The following CIZ1 variants were observed in gnomAD, a reference collection of about 807,000 sequenced individuals.
CIZ1 encodes cip1-interacting zinc finger protein.
In CIZ1, 58 loss-of-function variants were observed where a neutral mutation model predicts 118.6. The observed-to-expected ratio is 0.49, with a 90% CI of 0.40 to 0.61. The LOEUF is 0.61. Among genes scored for constraint, CIZ1 ranks in the 20% least tolerant of loss-of-function variants. The pLI is 0.00. For missense variants in CIZ1, 921 were observed against 1,115.9 expected, an observed-to-expected ratio of 0.83 and a Z score of 2.49; for synonymous variants, 448 against 443.4, an observed-to-expected ratio of 1.01 and a Z score of -0.13.
Position 128,173,938 on chromosome 9 carries a change from G to A in CIZ1, c.1943+2413C>T, listed in dbSNP as rs537840385. Among the ~76,000 whole-genome samples, 8 of 152,138 alleles carry A rather than the reference G, an allele frequency of 5.3e-5. No homozygotes were observed. The South Asian group carries it at 1.0e-3, about 20-fold the overall frequency. ...GGAGAATGGCGTGAACCCAGGAGGCGGAGCTTGCAGTGAGCCGAGATCGCG... is the reference window on the plus strand; with the variant it reads ...GGAGAATGGCGTGAACCCAGGAGGCAGAGCTTGCAGTGAGCCGAGATCGCG... On this transcript the variant is annotated intron_variant, in intron 11 of 16. Transcript: ENST00000372938.
intron 4 of CIZ1, among the ~76,000 whole-genome samples, chr9:128,186,747 G>T (rs549067534): frequency 2.0e-5 from 3 of 151,736 alleles, no homozygotes; most frequent in African/African-American, 7.3e-5. Flanking sequence ...TCCCTGTGCC[G>T]TCCTTCAGAC....
At chr9:128,171,940 T>C (rs916834543) in intron 11 of CIZ1, among the ~76,000 whole-genome samples, 5 of 151,446 alleles carry the variant, frequency 3.3e-5, no homozygotes, top group Non-Finnish European at 5.9e-5. Context: ...CAAACAAATG[T>C]CAATGACAAG....
chr9:128,188,170 GGCATAGCCCTCTGGT>G (rs1832680152), intron 3 of CIZ1, among the ~76,000 whole-genome samples: 1 of 124,048 alleles, frequency 8.1e-6, no homozygotes, highest in Non-Finnish European at 1.8e-5. Flanking sequence ...GATAAACAAA[GGCATAGCCCTCTGGT>G]GCAATATTAA....
At chr9:128,195,771 T>C (rs186515437), upstream of CIZ1, among the ~76,000 whole-genome samples, 36 of 152,352 alleles carry the variant, frequency 2.4e-4, no homozygotes, top group African/African-American at 8.4e-4. Flanking sequence ...TGTTATTCTT[T>C]AAAAAATTTT....
chr9:128,169,980 C>T (rs750511565), intron 12 of CIZ1, 40 bp downstream of exon 12: 11 of 1,551,192 alleles, frequency 7.1e-6, no homozygotes, highest in Admixed American at 1.9e-5. Flanking sequence ...CACTTGCAGA[C>T]GGCAGTGCGG....
At chr9:128,178,549 C>T (rs187204651) in intron 8 of CIZ1, 59 bp from the exon 9 acceptor site, 125 of 1,611,314 alleles carry the variant, frequency 7.8e-5, no homozygotes, top group Middle Eastern at 1.7e-4. Context: ...CTGCCTTCTC[C>T]GTCCGCAGCC....
At chr9:128,173,754 C>T (rs900672452) in intron 11 of CIZ1, among the ~76,000 whole-genome samples, 1 of 152,038 alleles carries the variant, frequency 6.6e-6, no homozygotes, top group Non-Finnish European at 1.5e-5. Context: ...CACCTGTAAT[C>T]CCAGCACTTT....
upstream of CIZ1, among the ~76,000 whole-genome samples, chr9:128,196,378 G>A (rs928489307): frequency 9.9e-5 from 15 of 151,870 alleles, no homozygotes; most frequent in South Asian, 1.0e-3. Context: ...GGAGATCACC[G>A]TCTCTACAAA....
chr9:128,169,829 C>T (rs1228202984), intron 12 of CIZ1, 191 bp downstream of exon 12: 14 of 1,083,450 alleles, frequency 1.3e-5, no homozygotes, highest in African/African-American at 4.7e-5. Flanking sequence ...TGGGGCCTGG[C>T]CTACACTGGA....
rs1833603957 is a variant in CIZ1, at chr9:128,203,401, G to C, written c.-6+785C>G. Reference sequence around the variant, plus strand: ...GGCAGTCTGGGCGCGCGGCTGCAGCGGCGGAGCCGGAGTCGGAGCCGGGAG... The same window carrying C: ...GGCAGTCTGGGCGCGCGGCTGCAGCCGCGGAGCCGGAGTCGGAGCCGGGAG... On this transcript the variant is annotated intron_variant, in intron 1 of 17. Transcript: ENST00000372948. This position sits in a 1 kb window ranked among gnomAD's most constrained non-coding sequence, Gnocchi z 5.3. 5 of 1,326,834 alleles carry C rather than the reference G, an allele frequency of 3.8e-6. No homozygotes were observed. Among genetic ancestry groups the C allele is most frequent in the East Asian group, 3.3e-5 (1 of 30,426 alleles). The allele number at this position is 1,326,834 out of a possible 1,614,324, so 82.2% of individuals were successfully genotyped here. A position where few individuals can be genotyped will look rare whatever the true frequency, so the allele number is the denominator to read the frequency against.
chr9:128,191,465 G>A lies in CIZ1; in HGVS notation c.-39C>T, dbSNP rs1478540357. 3.0e-6 allele frequency: 3 copies of A among 985,708 alleles called. No individual in the cohort carries two copies. In the African/African-American group the frequency reaches 5.2e-5, roughly 17 times the overall value. 61.1% of individuals were successfully genotyped at this position (985,708 alleles called of 1,614,324 possible). On this transcript the variant is annotated 5_prime_UTR_variant, in exon 1 of 17. Transcript: ENST00000372938. This position sits in a 1 kb window ranked among gnomAD's most constrained non-coding sequence, Gnocchi z 5.5. ...CCCGCGCGCCCTCAACGCTCAAGTC[G>A]CCCCCACGGATGGGCCGGCCCCGCA... is the stretch of plus-strand genomic sequence containing the variant.
chr9:128,198,729 G>A (rs1833437257), intron 1 of CIZ1, among the ~76,000 whole-genome samples: 1 of 152,154 alleles, frequency 6.6e-6, no homozygotes, highest in South Asian at 2.1e-4. Flanking sequence ...CTACTTGGGA[G>A]GCTGAGGCAG....
chr9:128,186,883 G>T (rs1832438722), intron 4 of CIZ1, among the ~76,000 whole-genome samples: 1 of 151,078 alleles, frequency 6.6e-6, no homozygotes. Flanking sequence ...GTCCCCAAAG[G>T]CCCCAGCTTC....
rs1320569379 is a variant in CIZ1 at position 128,203,513 on chromosome 9, C to A, written c.-6+673G>T. On this transcript the variant is annotated intron_variant, in intron 1 of 17. Coordinates refer to the CIZ1 transcript ENST00000372948. The surrounding 1 kb of genome is among the most constrained non-coding windows in gnomAD (Gnocchi z 5.3). ...GGAAGATCTCATCCCGCTGGTCAAC[C>A]GGCTGCAAGACGCCTTCTCTGCCAT... is the stretch of plus-strand genomic sequence containing the variant. The A allele has an allele frequency of 1.3e-6, 2 of 1,539,624 alleles. No homozygotes were observed. The highest frequency in any genetic ancestry group is 5.5e-5 in the East Asian group (2 of 36,682).
At chr9:128,169,991 G>T (rs779223655) in intron 12 of CIZ1, 29 bp downstream of exon 12, 3 of 1,579,804 alleles carry the variant, frequency 1.9e-6, no homozygotes, top group African/African-American at 2.7e-5. Context: ...GGCAGTGCGG[G>T]TGCCTCTGCA....
upstream of CIZ1, chr9:128,191,581 G>A: frequency 8.8e-7 from 1 of 1,141,014 alleles, no homozygotes; most frequent in Non-Finnish European, 1.1e-6. This position sits in a 1 kb window ranked among gnomAD's most constrained non-coding sequence, Gnocchi z 5.5. Flanking sequence ...AGGCCCAAAT[G>A]CGGGCGGGGC....
Position 128,203,398 on chromosome 9 carries a change from A to C in CIZ1, c.-6+788T>G, listed in dbSNP as rs1309393796. ...GCAGGCAGTCTGGGCGCGCGGCTGC[A>C]GCGGCGGAGCCGGAGTCGGAGCCGG... On this transcript the variant is annotated intron_variant, in intron 1 of 17. Coordinates refer to the CIZ1 transcript ENST00000372948. The surrounding 1 kb of genome is among the most constrained non-coding windows in gnomAD (Gnocchi z 5.3). The C allele has an allele frequency of 2.3e-6, 3 of 1,315,142 alleles. No homozygotes were observed. The highest frequency in any genetic ancestry group is 3.1e-5 in the African/African-American group (2 of 63,984). The allele number at this position is 1,315,142 out of a possible 1,614,324, so 81.5% of individuals were successfully genotyped here.
At chr9:128,179,915 G>A (rs867791303) in intron 7 of CIZ1, among the ~76,000 whole-genome samples, 9 of 150,130 alleles carry the variant, frequency 6.0e-5, no homozygotes, top group East Asian at 2.0e-4. Flanking sequence ...CAGGTGATCC[G>A]CCCGCCTCAG....
At chr9:128,168,054 C>G (rs1005067406) in intron 14 of CIZ1, among the ~76,000 whole-genome samples, 1 of 152,168 alleles carries the variant, frequency 6.6e-6, no homozygotes, top group Non-Finnish European at 1.5e-5. Flanking sequence ...CCCCTCAATA[C>G]CCCACTTTGG....
Sources: allele counts gnomAD v4.1 joint callset (sites outside exome capture counted in the v4.1 genomes callset), GRCh38; gene constraint gnomAD v4.1.1; non-coding constraint Gnocchi (gnomAD v3.1); transcripts MANE v1.5; gene names NCBI Gene and HGNC (gene_info 2026-07-23, HGNC 2026-07-21).